The following DACH1 variants were observed in gnomAD, a reference collection of about 807,000 sequenced individuals.
DACH1 encodes dachshund family transcription factor 1, also known as dachshund homolog 1.
A neutral mutation model predicts 54.2 loss-of-function variants in DACH1; 12 were observed. The ratio of observed to expected loss-of-function variants is 0.22; its 90% CI spans 0.14 to 0.36. The LOEUF (loss-of-function observed/expected upper bound fraction) is 0.36, where lower values mean the gene tolerates loss of function less well. DACH1 is among the 10% of genes least tolerant of loss of function. The pLI is 1.00. For synonymous variants in DACH1, 386 were observed against 366.2 expected, an observed-to-expected ratio of 1.05 and a Z score of -0.62; for missense variants, 805 against 929.8, an observed-to-expected ratio of 0.87 and a Z score of 1.75.
intron 1 of DACH1, among the ~76,000 whole-genome samples, chr13:71,710,496 A>ATG (rs1345967088): frequency 2.5e-4 from 33 of 133,364 alleles, no homozygotes; most frequent in Non-Finnish European, 3.9e-4. Flanking sequence ...GTGTGTGTTT[A>ATG]TGTGTGTGTG....
intron 1 of DACH1, among the ~76,000 whole-genome samples, chr13:71,758,444 T>C (rs971871820): frequency 1.3e-5 from 2 of 152,182 alleles, no homozygotes; most frequent in African/African-American, 4.8e-5. Context: ...GTTTTATACA[T>C]ATAAAAGGTC....
chr13:71,633,301 T>C (rs567437248), intron 2 of DACH1, among the ~76,000 whole-genome samples: 22 of 152,296 alleles, frequency 1.4e-4, no homozygotes, highest in Non-Finnish European at 2.6e-4. Context: ...AAATAAACTA[T>C]GTGAGGAATG....
intron 1 of DACH1, among the ~76,000 whole-genome samples, chr13:71,737,931 T>C (rs565386663): frequency 6.6e-6 from 1 of 152,164 alleles, no homozygotes; most frequent in Non-Finnish European, 1.5e-5. Context: ...GGAAACAAGA[T>C]GAGTAACGCT....
At chr13:71,703,482 A>C (rs911643348) in intron 1 of DACH1, among the ~76,000 whole-genome samples, 1 of 152,172 alleles carries the variant, frequency 6.6e-6, no homozygotes, top group Non-Finnish European at 1.5e-5. Context: ...AATATAAAGA[A>C]ATGGTTGTTG....
At chr13:71,779,151 A>G (rs867638636) in intron 1 of DACH1, among the ~76,000 whole-genome samples, 3 of 85,240 alleles carry the variant, frequency 3.5e-5, no homozygotes, top group African/African-American at 1.3e-4. Flanking sequence ...ATATATACAC[A>G]TATATACGTA....
At position 71,778,363 on chromosome 13, in the gene DACH1, C is replaced by A. The variant is rs80126460; in HGVS notation, c.848+87559G>T. Among the ~76,000 whole-genome samples, 175 of 152,024 alleles carry A rather than the reference C, an allele frequency of 1.2e-3. 3 individuals carry two copies. In the East Asian group the frequency reaches 0.032, roughly 28 times the overall value. ...TTAATATTTTGAGATATACATTTTA[C>A]TGATCTTTGTCTTTAACATTAGAGT... On this transcript the variant is annotated intron_variant, in intron 1 of 10. Transcript: ENST00000613252.
intron 10 of DACH1, among the ~76,000 whole-genome samples, chr13:71,466,553 T>C (rs1205896927): frequency 6.6e-6 from 1 of 152,126 alleles, no homozygotes; most frequent in Admixed American, 6.5e-5. Context: ...TAGAAAAACA[T>C]GATGCCAGGC....
intron 3 of DACH1, 135 bp from the exon 4 acceptor site, chr13:71,573,147 C>A: frequency 2.4e-6 from 2 of 837,062 alleles, no homozygotes; most frequent in Non-Finnish European, 1.8e-6. Context: ...ATTTCACTTA[C>A]TACTCAGGGA....
At chr13:71,785,421 T>C (rs1402821005) in intron 1 of DACH1, among the ~76,000 whole-genome samples, 1 of 152,224 alleles carries the variant, frequency 6.6e-6, no homozygotes, top group African/African-American at 2.4e-5. Context: ...ATGTATATTA[T>C]GCATTTAAGT....
At chr13:71,487,398 CT>C (rs778228097) in intron 7 of DACH1, among the ~76,000 whole-genome samples, 41 of 151,964 alleles carry the variant, frequency 2.7e-4, no homozygotes, top group Non-Finnish European at 4.6e-4. Context: ...TCTTTTTCTT[CT>C]TTTCTTTCTT....
intron 1 of DACH1, among the ~76,000 whole-genome samples, chr13:71,707,970 C>T (rs1882527144): frequency 6.6e-6 from 1 of 152,108 alleles, no homozygotes; most frequent in Admixed American, 6.5e-5. Context: ...ACCAGGCCCA[C>T]TGAAGTGGAA....
chr13:71,662,283 G>C (rs1879555049), intron 2 of DACH1, among the ~76,000 whole-genome samples: 2 of 151,876 alleles, frequency 1.3e-5, no homozygotes, highest in South Asian at 4.2e-4. Flanking sequence ...TTGTTAAAAG[G>C]GTTCAGAATG....
intron 7 of DACH1, among the ~76,000 whole-genome samples, chr13:71,481,934 G>A (rs1370547161): frequency 6.6e-6 from 1 of 152,148 alleles, no homozygotes; most frequent in Non-Finnish European, 1.5e-5. Context: ...CATCTCACTT[G>A]GACATGCAAT....
At chr13:71,815,487 A>G (rs982390002) in intron 1 of DACH1, among the ~76,000 whole-genome samples, 4 of 152,238 alleles carry the variant, frequency 2.6e-5, no homozygotes, top group African/African-American at 7.2e-5. Context: ...AGGTGGTAAT[A>G]GCATTTAAAG....
chr13:71,622,207 T>C (rs1876298730), intron 3 of DACH1, among the ~76,000 whole-genome samples: 1 of 152,062 alleles, frequency 6.6e-6, no homozygotes, highest in Admixed American at 6.6e-5. Flanking sequence ...GGAATATTTG[T>C]ACAACTGAGA....
chr13:71,803,555 A>C (rs538183796), intron 1 of DACH1, among the ~76,000 whole-genome samples: 1 of 152,150 alleles, frequency 6.6e-6, no homozygotes, highest in Non-Finnish European at 1.5e-5. Flanking sequence ...TATATGAATA[A>C]ATATTCCTCA....
intron 1 of DACH1, among the ~76,000 whole-genome samples, chr13:71,736,834 G>A (rs943798074): frequency 6.6e-6 from 1 of 152,180 alleles, no homozygotes; most frequent in African/African-American, 2.4e-5. Flanking sequence ...TAAATACCAT[G>A]TGCTCAGCTC....
intron 1 of DACH1, among the ~76,000 whole-genome samples, chr13:71,738,194 G>C (rs573744508): frequency 6.6e-6 from 1 of 152,266 alleles, no homozygotes; most frequent in East Asian, 1.9e-4. Context: ...CCATGGAAGT[G>C]ATTCTTAAAT....
At chr13:71,465,812 G>C (rs899839395) in intron 10 of DACH1, among the ~76,000 whole-genome samples, 1 of 152,048 alleles carries the variant, frequency 6.6e-6, no homozygotes, top group Non-Finnish European at 1.5e-5. Flanking sequence ...ATTCATAGTA[G>C]TAAAAAGTAT....
Sources: gnomAD v4.1 joint callset for allele counts (sites outside exome capture counted in the v4.1 genomes callset) on GRCh38, gnomAD v4.1.1 for gene constraint, MANE v1.5 for transcripts, NCBI Gene and HGNC (gene_info 2026-07-23, HGNC 2026-07-21) for gene names.